The following NPAS3 variants were observed in gnomAD, a reference collection of about 807,000 sequenced individuals.
The protein encoded by NPAS3 is neuronal PAS domain-containing protein 3.
NPAS3 carries 14 observed loss-of-function variants against 73.1 expected under a neutral mutation model. The observed-to-expected ratio is 0.19, with a 90% CI of 0.13 to 0.30. NPAS3 has a LOEUF of 0.30. NPAS3 is among the 10% of genes least tolerant of loss of function. The pLI is 1.00. For missense variants in NPAS3, 1,096 were observed against 1,250.0 expected (o/e 0.88, Z 1.86); for synonymous variants, 620 against 541.5 (o/e 1.14, Z -2.01).
intron 2 of NPAS3, among the ~76,000 whole-genome samples, chr14:33,212,959 G>T (rs1024968249): frequency 8.5e-5 from 13 of 152,248 alleles, no homozygotes; most frequent in Middle Eastern, 3.4e-3. Context: ...GTTTTATTTG[G>T]CTTGCATGAC....
intron 3 of NPAS3, among the ~76,000 whole-genome samples, chr14:33,239,554 G>A (rs1566712839): frequency 6.6e-6 from 1 of 151,812 alleles, no homozygotes; most frequent in Non-Finnish European, 1.5e-5. Context: ...CTTGCTCACA[G>A]ACAAGATCAT....
chr14:33,330,460 G>T (rs992593601), intron 3 of NPAS3, among the ~76,000 whole-genome samples: 6 of 152,088 alleles, frequency 3.9e-5, no homozygotes, highest in Non-Finnish European at 7.4e-5. Context: ...ACGTCAAGCA[G>T]CAGGTGTAAT....
Position 33,228,734 on chromosome 14 carries a change from G to A in NPAS3, c.385+13308G>A, listed in dbSNP as rs527662278. ...TTATAAGCCACTAGGAGGGAGTGAC[G>A]CATTCTCACCAAATAATAAAGTAGG... On this transcript the variant is annotated intron_variant, in intron 3 of 11. Transcript: ENST00000356141. Among the ~76,000 whole-genome samples, 7 of 152,208 alleles carry A rather than the reference G, an allele frequency of 4.6e-5. No individual in the cohort carries two copies. In the South Asian group the frequency reaches 6.2e-4, roughly 14 times the overall value.
At chr14:33,517,247 T>C (rs1437657631) in intron 4 of NPAS3, among the ~76,000 whole-genome samples, 1 of 152,016 alleles carries the variant, frequency 6.6e-6, no homozygotes. Flanking sequence ...TCTCTGCTTG[T>C]CCTAAAGCAC....
At chr14:33,379,403 C>G (rs1049501101) in intron 4 of NPAS3, among the ~76,000 whole-genome samples, 19 of 152,098 alleles carry the variant, frequency 1.2e-4, no homozygotes, top group African/African-American at 4.6e-4. Context: ...ATAGTAAAAA[C>G]TTTCTTATTG....
chr14:33,253,179 T>A (rs2048652813), intron 3 of NPAS3, among the ~76,000 whole-genome samples: 1 of 152,076 alleles, frequency 6.6e-6, no homozygotes, highest in African/African-American at 2.4e-5. Context: ...CTGTTTTCAG[T>A]TTTTTTGAGA....
chr14:33,110,039 C>A (rs1257779534), intron 2 of NPAS3, among the ~76,000 whole-genome samples: 1 of 151,808 alleles, frequency 6.6e-6, no homozygotes, highest in African/African-American at 2.4e-5. Flanking sequence ...ATTTCTGTGT[C>A]CTGGCCGAGA....
At chr14:33,716,594 G>T (rs564222419) in intron 6 of NPAS3, among the ~76,000 whole-genome samples, 2 of 152,012 alleles carry the variant, frequency 1.3e-5, no homozygotes, top group Admixed American at 1.3e-4. Context: ...ATCCTAAACC[G>T]AAACCCTGTA....
rs143044000 is a variant in NPAS3 at position 32,961,050 on chromosome 14, A to G, written c.50+21684A>G. Among the ~76,000 whole-genome samples, 1,522 of 152,334 alleles carry G rather than the reference A, an allele frequency of 1.0e-2. 26 individuals are homozygous for G. Among genetic ancestry groups the G allele is most frequent in the Admixed American group, 0.046 (697 of 15,302 alleles). On this transcript the variant is annotated intron_variant, in intron 1 of 11. Transcript: ENST00000356141. ...TATTTTGTGACTATTTCTATTACAGAAACAAATGTTTAAAACTCAAAGTGA... is the reference window on the plus strand; with the variant it reads ...TATTTTGTGACTATTTCTATTACAGGAACAAATGTTTAAAACTCAAAGTGA...
At chr14:33,165,226 C>T (rs1271959137) in intron 2 of NPAS3, among the ~76,000 whole-genome samples, 1 of 151,950 alleles carries the variant, frequency 6.6e-6, no homozygotes, top group East Asian at 1.9e-4. Flanking sequence ...GGATTATTCA[C>T]AAACAACCTT....
intron 2 of NPAS3, among the ~76,000 whole-genome samples, chr14:33,128,505 G>A (rs998583658): frequency 3.9e-5 from 6 of 152,174 alleles, no homozygotes; most frequent in Middle Eastern, 3.4e-3. Flanking sequence ...AATACTATTC[G>A]AACAGAATAA....
In NPAS3 at chr14:33,610,583, A is replaced by T. The variant is rs2297115; in HGVS notation, c.558+50373A>T. Among the ~76,000 whole-genome samples, 1,398 of 152,294 alleles carry T rather than the reference A, an allele frequency of 9.2e-3. 40 individuals carry two copies. Among genetic ancestry groups the T allele is most frequent in the Admixed American group, 0.044 (669 of 15,300 alleles). On this transcript the variant is annotated intron_variant, in intron 5 of 11. Coordinates refer to ENST00000356141, the Ensembl canonical transcript of NPAS3. The stretch of plus-strand genomic sequence containing the variant: ...TCTCACCAGTATTTTTAAAAATTTT[A>T]AAAAATGAAACTCTTGGTTGTTCAT...
rs574596408 is a variant in NPAS3 at position 33,689,749 on chromosome 14, C to T, written c.733+13364C>T. The stretch of plus-strand genomic sequence containing the variant: ...ATACAATTTCTGTTTTGCAGATTCA[C>T]GTTTTTTGTATGCTCAGTTTTCTTA... On this transcript the variant is annotated intron_variant, in intron 6 of 11. Coordinates refer to ENST00000356141, the Ensembl canonical transcript of NPAS3. Among the ~76,000 whole-genome samples, 11 of 152,256 alleles carry T rather than the reference C, an allele frequency of 7.2e-5. No homozygotes were observed. The South Asian group carries it at 1.7e-3, about 23-fold the overall frequency.
At chr14:33,091,736 A>G (rs928248282) in intron 2 of NPAS3, among the ~76,000 whole-genome samples, 5 of 152,182 alleles carry the variant, frequency 3.3e-5, no homozygotes, top group African/African-American at 1.2e-4. Flanking sequence ...AATACTGGCA[A>G]ACCGAATCCA....
rs144800234 is a variant in NPAS3 at position 33,628,583 on chromosome 14, T to A, written c.559-47628T>A. 6.5e-3 allele frequency among the ~76,000 whole-genome samples: 993 copies of A among 152,356 alleles called. 11 individuals are homozygous for A. The highest frequency in any genetic ancestry group is 0.022 in the African/African-American group (920 of 41,584). ...TGCTCCGTCCATTAGTTGCATATCA[T>A]CTTTGTCTTTTTATTGAGCTGGTTG... On this transcript the variant is annotated intron_variant, in intron 5 of 11. Transcript: ENST00000356141.
chr14:33,169,449 T>C (rs2045302528), intron 2 of NPAS3, among the ~76,000 whole-genome samples: 1 of 152,080 alleles, frequency 6.6e-6, no homozygotes, highest in Admixed American at 6.6e-5. Flanking sequence ...GCACCTGTAG[T>C]CCCAGCTACT....
chr14:33,623,837 T>G (rs1382062139), intron 5 of NPAS3, among the ~76,000 whole-genome samples: 1 of 152,204 alleles, frequency 6.6e-6, no homozygotes, highest in African/African-American at 2.4e-5. Context: ...GATTTTGTTC[T>G]TTACTTGACT....
chr14:33,673,760 G>T (rs534236086), intron 5 of NPAS3, among the ~76,000 whole-genome samples: 1 of 152,306 alleles, frequency 6.6e-6, no homozygotes, highest in African/African-American at 2.4e-5. Context: ...TTCTCCTAGG[G>T]CCCTGCAGAG....
chr14:33,051,012 C>G (rs2040682634), intron 1 of NPAS3, among the ~76,000 whole-genome samples: 1 of 152,096 alleles, frequency 6.6e-6, no homozygotes, highest in Non-Finnish European at 1.5e-5. Context: ...CGGTGGCTCA[C>G]GCCTGTAATC....
Sources: gnomAD v4.1 joint callset for allele counts (sites outside exome capture counted in the v4.1 genomes callset) on GRCh38, gnomAD v4.1.1 for gene constraint, MANE v1.5 for transcripts, NCBI Gene and HGNC (gene_info 2026-07-23, HGNC 2026-07-21) for gene names.